SF3B3: variants seen among roughly 807,000 people sequenced by gnomAD.
SF3B3 encodes splicing factor 3b subunit 3.
A neutral mutation model predicts 139.2 loss-of-function variants in SF3B3; 33 were observed. The observed-to-expected ratio is 0.24, with a 90% CI of 0.18 to 0.32. The LOEUF is 0.32. Ranked by LOEUF, SF3B3 falls within the 10% of genes least tolerant of loss-of-function variation. SF3B3 has a pLI of 1.00. For synonymous variants in SF3B3, 596 were observed against 563.6 expected, an observed-to-expected ratio of 1.06 and a Z score of -0.81; for missense variants, 818 against 1,509.4, an observed-to-expected ratio of 0.54 and a Z score of 7.59.
At chr16:70,543,995 A>G (rs2050245365) in intron 9 of SF3B3, among the ~76,000 whole-genome samples, 1 of 152,116 alleles carries the variant, frequency 6.6e-6, no homozygotes, top group African/African-American at 2.4e-5. Context: ...CTGGGACTAT[A>G]GACACAAGCC....
intron 8 of SF3B3, 97 bp from the exon 9 acceptor site, chr16:70,541,572 A>T: frequency 1.1e-6 from 1 of 943,692 alleles, no homozygotes; most frequent in Non-Finnish European, 1.6e-6. Flanking sequence ...ATAGTATCTT[A>T]ATATAATCAA....
chr16:70,570,635 C>T (rs1042741387), intron 24 of SF3B3, among the ~76,000 whole-genome samples: 1 of 152,148 alleles, frequency 6.6e-6, no homozygotes, highest in South Asian at 2.1e-4. Context: ...CCGGCCAGGC[C>T]GTTTGTTTTT....
intron 9 of SF3B3, among the ~76,000 whole-genome samples, chr16:70,542,927 A>G (rs1027946159): frequency 6.6e-6 from 1 of 151,758 alleles, no homozygotes; most frequent in Non-Finnish European, 1.5e-5. Context: ...TTCACTGTTA[A>G]CTAGCCAGGA....
intron 12 of SF3B3, among the ~76,000 whole-genome samples, 160 bp from the exon 13 acceptor site, chr16:70,554,891 T>G (rs2050365148): frequency 6.6e-6 from 1 of 152,222 alleles, no homozygotes; most frequent in African/African-American, 2.4e-5. Context: ...AAAGTTGACC[T>G]TGCCTGAGGC....
intron 3 of SF3B3, 24 bp downstream of exon 3, chr16:70,529,223 G>C: frequency 6.4e-7 from 1 of 1,568,406 alleles, no homozygotes; most frequent in Non-Finnish European, 8.8e-7. Context: ...TCTACTTGCT[G>C]TATATGCCTA....
chr16:70,568,559 G>C, intron 22 of SF3B3, 64 bp downstream of exon 22: 2 of 1,331,950 alleles, frequency 1.5e-6, no homozygotes, highest in Non-Finnish European at 2.1e-6. Flanking sequence ...GTTTCTTGTG[G>C]GTAAAGCCAA....
chr16:70,531,663 T>A (rs2050122795), intron 4 of SF3B3, among the ~76,000 whole-genome samples: 2 of 152,244 alleles, frequency 1.3e-5, no homozygotes, highest in African/African-American at 4.8e-5. Context: ...CTTCAGAGGT[T>A]AAGCAACTAT....
At chr16:70,544,995 T>C (rs2050254370) in intron 10 of SF3B3, among the ~76,000 whole-genome samples, 1 of 152,230 alleles carries the variant, frequency 6.6e-6, no homozygotes, top group Admixed American at 6.5e-5. Flanking sequence ...ATCAATGCTA[T>C]ATATATTTTT....
chr16:70,524,499 G>A (rs2050031488), intron 1 of SF3B3: 1 of 152,210 alleles, frequency 6.6e-6, no homozygotes, highest in East Asian at 1.9e-4. Flanking sequence ...AGACGTGGGG[G>A]AAGTTTTTTT....
At chr16:70,538,296 C>T (rs2151780422) in intron 6 of SF3B3, 27 bp from the exon 7 acceptor site, 1 of 1,606,994 alleles carries the variant, frequency 6.2e-7, no homozygotes, top group Non-Finnish European at 8.5e-7. Context: ...ATTTCTAAGA[C>T]ATTGATTGTG....
intron 11 of SF3B3, among the ~76,000 whole-genome samples, chr16:70,553,286 G>A (rs1364272804): frequency 6.6e-6 from 1 of 151,950 alleles, no homozygotes; most frequent in Non-Finnish European, 1.5e-5. Context: ...AACTGATCTA[G>A]TAACCTTAAT....
intron 19 of SF3B3, 22 bp downstream of exon 19, chr16:70,565,292 A>C (rs377152406): frequency 1.2e-6 from 2 of 1,613,608 alleles, no homozygotes; most frequent in African/African-American, 2.7e-5. Flanking sequence ...AGGACAGTCC[A>C]GGGTTTGGCA....
chr16:70,540,355 C>A (rs2050207995), intron 8 of SF3B3, among the ~76,000 whole-genome samples: 2 of 148,360 alleles, frequency 1.3e-5, no homozygotes, highest in Admixed American at 6.7e-5. Flanking sequence ...TGCCACCGTG[C>A]CCAGCCGAGC....
At chr16:70,542,104 G>A (rs2050223983) in intron 9 of SF3B3, among the ~76,000 whole-genome samples, 1 of 152,142 alleles carries the variant, frequency 6.6e-6, no homozygotes, top group South Asian at 2.1e-4. Context: ...AGAAGTAAAA[G>A]TCCTCCCCGT....
intron 10 of SF3B3, among the ~76,000 whole-genome samples, chr16:70,545,459 G>C (rs2050259385): frequency 6.6e-6 from 1 of 152,148 alleles, no homozygotes; most frequent in Non-Finnish European, 1.5e-5. Flanking sequence ...GACTTTTTAG[G>C]TAATGTGGAC....
Position 70,571,895 on chromosome 16 carries a change from T to C in SF3B3, c.*82T>C, listed in dbSNP as rs532279012. 1.4e-6 allele frequency: 2 copies of C among 1,479,784 alleles called. No homozygotes were observed. The highest frequency in any genetic ancestry group is 4.2e-5 in the Admixed American group (2 of 47,700). The allele number at this position is 1,479,784 out of a possible 1,614,324, so 91.7% of individuals were successfully genotyped here. A position where few individuals can be genotyped will look rare whatever the true frequency, so the allele number is the denominator to read the frequency against. ...CATCACTGCCACCTGGCTTCTGCCATGTGGCAGGAGGGTGACTGGATAATT... is the reference window on the plus strand; with the variant it reads ...CATCACTGCCACCTGGCTTCTGCCACGTGGCAGGAGGGTGACTGGATAATT... On this transcript the variant is annotated 3_prime_UTR_variant, in exon 26 of 26. Coordinates refer to ENST00000302516, the MANE Select transcript of SF3B3 (RefSeq NM_012426.5).
In SF3B3 at chr16:70,573,628, T is replaced by G. The variant is rs1453658421; in HGVS notation, c.*1815T>G. On this transcript the variant is annotated 3_prime_UTR_variant, in exon 26 of 26. Transcript: ENST00000302516. The stretch of plus-strand genomic sequence containing the variant: ...GACCTACAAAAGTTTAAAATTAGAT[T>G]GGATGTGACTCAATGACAAGTCCCA... The G allele has an allele frequency of 1.3e-5, 2 of 152,218 alleles. No homozygotes were observed. The highest frequency in any genetic ancestry group is 2.9e-5 in the Non-Finnish European group (2 of 68,052). 9.4% of individuals were successfully genotyped at this position (152,218 alleles called of 1,614,324 possible). A position where few individuals can be genotyped will look rare whatever the true frequency, so the allele number is the denominator to read the frequency against.
At chr16:70,529,223 G>T in intron 3 of SF3B3, 24 bp downstream of exon 3, 2 of 1,568,406 alleles carry the variant, frequency 1.3e-6, no homozygotes, top group Non-Finnish European at 1.8e-6. Flanking sequence ...TCTACTTGCT[G>T]TATATGCCTA....
Position 70,575,957 on chromosome 16 carries a change from T to A in SF3B3, c.*4144T>A, listed in dbSNP as rs1401363547. The A allele has an allele frequency of 6.6e-6, 1 of 152,186 alleles. No homozygotes were observed. Among genetic ancestry groups the A allele is most frequent in the African/African-American group, 2.4e-5 (1 of 41,448 alleles). The allele number at this position is 152,186 out of a possible 1,614,324, so 9.4% of individuals were successfully genotyped here. A position where few individuals can be genotyped will look rare whatever the true frequency, so the allele number is the denominator to read the frequency against. On this transcript the variant is annotated 3_prime_UTR_variant, in exon 26 of 26. Transcript: ENST00000302516. ...AATTATTCACACGGTGGTTCATGCCTGGTAATCCCAGCACTTTGGGCGGCC... is the reference window on the plus strand; with the variant it reads ...AATTATTCACACGGTGGTTCATGCCAGGTAATCCCAGCACTTTGGGCGGCC...
Sources: allele counts gnomAD v4.1 joint callset (sites outside exome capture counted in the v4.1 genomes callset), GRCh38; gene constraint gnomAD v4.1.1; transcripts MANE v1.5; gene names NCBI Gene and HGNC (gene_info 2026-07-23, HGNC 2026-07-21).